The following RFC3 variants were observed in gnomAD, a reference collection of about 807,000 sequenced individuals.
RFC3 encodes the protein A1 38 kDa subunit.
A neutral mutation model predicts 45.1 loss-of-function variants in RFC3; 41 were observed. The observed-to-expected ratio is 0.91, with a 90% CI of 0.71 to 1.18. The LOEUF is 1.18. Ranked by LOEUF, RFC3 falls within the 50% of genes most tolerant of loss-of-function variation. RFC3 has a pLI of 0.00. For synonymous variants in RFC3, 149 were observed against 144.0 expected (o/e 1.03, Z -0.25); for missense variants, 423 against 428.1 (o/e 0.99, Z 0.10).
intron 3 of RFC3, 101 bp from the exon 4 acceptor site, chr13:33,825,688 T>C (rs553383490): frequency 2.9e-5 from 15 of 523,650 alleles, no homozygotes; most frequent in Non-Finnish European, 3.8e-5. Flanking sequence ...TTAAGTGATA[T>C]TAATTTTGAT....
intron 8 of RFC3, among the ~76,000 whole-genome samples, chr13:33,904,606 C>T (rs1593681122): frequency 6.6e-6 from 1 of 152,204 alleles, no homozygotes; most frequent in East Asian, 1.9e-4. Flanking sequence ...CAGATCATGT[C>T]ACATCCTTTA....
rs1335039422 is a variant in RFC3, at chr13:33,928,565, A to G, written c.880-37522A>G. Among the ~76,000 whole-genome samples, 30 of 152,100 alleles carry G rather than the reference A, an allele frequency of 2.0e-4. 1 individual carries two copies. ...GCTGCTTGTTAAATTAAAGGTGTTC[A>G]CCGTGCCTTATTACATTGATCAGCT... On this transcript the variant is annotated intron_variant, in intron 8 of 8. Coordinates refer to the RFC3 transcript ENST00000434425.
chr13:33,917,516 A>T (rs2082740632), intron 8 of RFC3, among the ~76,000 whole-genome samples: 2 of 152,144 alleles, frequency 1.3e-5, no homozygotes, highest in Non-Finnish European at 1.5e-5. Flanking sequence ...TAATGCTGCC[A>T]GCAGTGCCAT....
At chr13:33,958,838 C>T (rs1338110834) in intron 8 of RFC3, among the ~76,000 whole-genome samples, 1 of 152,196 alleles carries the variant, frequency 6.6e-6, no homozygotes, top group African/African-American at 2.4e-5. Context: ...TTACCTGGCA[C>T]TTCCCATTTG....
chr13:33,886,085 A>AT (rs2082520231), intron 8 of RFC3, among the ~76,000 whole-genome samples: 1 of 152,050 alleles, frequency 6.6e-6, no homozygotes, highest in African/African-American at 2.4e-5. Context: ...TCTTCTTGTA[A>AT]TTGCATGTGG....
At chr13:33,972,442 C>G in the RFC3 span, among the ~76,000 whole-genome samples, 1 of 152,178 alleles carries the variant, frequency 6.6e-6, no homozygotes, top group South Asian at 2.1e-4. Flanking sequence ...GAGTTCTTTT[C>G]TCATGTTTAG....
At chr13:33,905,244 G>A (rs996777552) in intron 8 of RFC3, among the ~76,000 whole-genome samples, 1 of 149,448 alleles carries the variant, frequency 6.7e-6, no homozygotes, top group Non-Finnish European at 1.5e-5. Context: ...AAATTGTTCT[G>A]TATCTTAAGC....
chr13:33,850,729 C>T (rs907258281), intron 8 of RFC3: 2 of 152,080 alleles, frequency 1.3e-5, no homozygotes, highest in African/African-American at 4.8e-5. Context: ...TCATTTTATG[C>T]TGTTTTTAAT....
At chr13:33,840,470 T>C (rs1230335713), downstream of RFC3, among the ~76,000 whole-genome samples, 1 of 152,194 alleles carries the variant, frequency 6.6e-6, no homozygotes, top group East Asian at 1.9e-4. Context: ...TTGACTGATA[T>C]TTTTCCTGGT....
chr13:33,888,423 G>A (rs2082540920), intron 8 of RFC3, among the ~76,000 whole-genome samples: 1 of 152,096 alleles, frequency 6.6e-6, no homozygotes, highest in South Asian at 2.1e-4. Flanking sequence ...ATTATATATT[G>A]TTATAAAGAT....
chr13:33,818,334 A>G (rs1277729640), intron 1 of RFC3, 69 bp downstream of exon 1: 1 of 1,289,402 alleles, frequency 7.8e-7, no homozygotes, highest in African/African-American at 1.5e-5. Context: ...CGCCCCCCTG[A>G]GGAGCAGTGC....
intron 8 of RFC3, among the ~76,000 whole-genome samples, chr13:33,896,711 C>CAA (rs56129519): frequency 1.8e-3 from 76 of 42,104 alleles, no homozygotes; most frequent in African/African-American, 2.4e-3. Context: ...GACTTTGTCT[C>CAA]AAAAAAAAAA....
At chr13:33,938,208 A>AAT (rs2082900461) in intron 8 of RFC3, among the ~76,000 whole-genome samples, 1 of 147,070 alleles carries the variant, frequency 6.8e-6, no homozygotes, top group African/African-American at 2.5e-5. Context: ...AAAAAAAAAA[A>AAT]GTAAGAGTTG....
chr13:33,889,279 G>A (rs2082548381), intron 8 of RFC3, among the ~76,000 whole-genome samples: 1 of 152,178 alleles, frequency 6.6e-6, no homozygotes. Flanking sequence ...CATAAGCGTT[G>A]AACCAACAGG....
At chr13:33,872,156 T>G (rs2082414229) in intron 8 of RFC3, among the ~76,000 whole-genome samples, 1 of 152,186 alleles carries the variant, frequency 6.6e-6, no homozygotes, top group Non-Finnish European at 1.5e-5. Context: ...GCAGAGTGTG[T>G]GGTAATGAAA....
intron 8 of RFC3, chr13:33,848,430 G>A (rs1295478316): frequency 6.6e-6 from 1 of 152,178 alleles, no homozygotes. Flanking sequence ...ATCCAGACAT[G>A]AGGTGCTTTT....
At chr13:33,854,442 G>C (rs2082296406) in intron 8 of RFC3, among the ~76,000 whole-genome samples, 2 of 152,062 alleles carry the variant, frequency 1.3e-5, no homozygotes, top group African/African-American at 4.8e-5. Context: ...ACTAGCACAG[G>C]GAAATTAAAT....
rs771267216 is a variant in RFC3 at position 33,831,205 on chromosome 13, G to A, written c.711-51G>A. On this transcript the variant is annotated intron_variant, in intron 6 of 8. Coordinates refer to ENST00000380071, the MANE Select transcript of RFC3 (RefSeq NM_002915.4). The stretch of plus-strand genomic sequence containing the variant: ...CAGTGGTTGGGGACTCCTGTTTTAG[G>A]ACATAAGCACACTTCTGTTTAACTT... 3.5e-6 allele frequency: 4 copies of A among 1,156,308 alleles called. No individual in the cohort carries two copies. In the Admixed American group the frequency reaches 5.1e-5, roughly 15 times the overall value. The allele number at this position is 1,156,308 out of a possible 1,614,324, so 71.6% of individuals were successfully genotyped here.
intron 8 of RFC3, among the ~76,000 whole-genome samples, chr13:33,965,638 A>G (rs564927525): frequency 3.9e-4 from 60 of 152,332 alleles, no homozygotes; most frequent in African/African-American, 1.4e-3. Context: ...GCATTTTTAT[A>G]ATGAAAAGGC....
Sources: allele counts gnomAD v4.1 joint callset (sites outside exome capture counted in the v4.1 genomes callset), GRCh38; gene constraint gnomAD v4.1.1; transcripts MANE v1.5; gene names NCBI Gene and HGNC (gene_info 2026-07-23, HGNC 2026-07-21).